LNX2: variants seen among roughly 807,000 people sequenced by gnomAD.
The protein encoded by LNX2 is ligand of numb-protein X 2.
LNX2 carries 35 observed loss-of-function variants against 66.2 expected under a neutral mutation model. The observed-to-expected ratio is 0.53, with a 90% CI of 0.40 to 0.70. The LOEUF is 0.70. Among genes scored for constraint, LNX2 ranks in the 30% least tolerant of loss-of-function variants. The probability of loss-of-function intolerance (pLI) is 0.00; values close to 1 mark genes in which losing one functional copy is unlikely to be tolerated. For missense variants in LNX2, 791 were observed against 850.8 expected, an observed-to-expected ratio of 0.93 and a Z score of 0.87; for synonymous variants, 337 against 315.6, an observed-to-expected ratio of 1.07 and a Z score of -0.72.
At chr13:27,602,469 T>C (rs945350584) in intron 1 of LNX2, among the ~76,000 whole-genome samples, 1 of 152,182 alleles carries the variant, frequency 6.6e-6, no homozygotes, top group African/African-American at 2.4e-5. Context: ...AATGGGAACA[T>C]AGAGTATGTA....
At chr13:27,550,232 A>G (rs1593236011) in intron 9 of LNX2, 101 bp downstream of exon 9, 1 of 1,060,316 alleles carries the variant, frequency 9.4e-7, no homozygotes, top group Non-Finnish European at 1.4e-6. Context: ...TTATTTTCAA[A>G]AAGATAATGG....
chr13:27,573,788 AAAC>A (rs753678701), intron 2 of LNX2, among the ~76,000 whole-genome samples: 55 of 152,314 alleles, frequency 3.6e-4, no homozygotes, highest in Non-Finnish European at 6.8e-4. Flanking sequence ...GCAAACAAAC[AAAC>A]AACAACAATA....
intron 2 of LNX2, among the ~76,000 whole-genome samples, chr13:27,578,486 AT>A (rs933407738): frequency 6.6e-6 from 1 of 152,050 alleles, no homozygotes; most frequent in Non-Finnish European, 1.5e-5. Context: ...ATGGCTGCAA[AT>A]TTTTTTGACT....
chr13:27,606,988 C>A (rs1247800236), intron 1 of LNX2, among the ~76,000 whole-genome samples: 1 of 152,182 alleles, frequency 6.6e-6, no homozygotes, highest in Non-Finnish European at 1.5e-5. Flanking sequence ...TTTACTGCTT[C>A]ATTTCTGTTT....
chr13:27,548,024 T>G lies in LNX2; in HGVS notation c.*311A>C, dbSNP rs1175326366. 6.4e-6 allele frequency: 2 copies of G among 313,388 alleles called. No homozygotes were observed. The highest frequency in any genetic ancestry group is 1.2e-5 in the Non-Finnish European group (2 of 168,400). 19.4% of individuals were successfully genotyped at this position (313,388 alleles called of 1,614,324 possible). A position where few individuals can be genotyped will look rare whatever the true frequency, so the allele number is the denominator to read the frequency against. ...CTGAAAACAAAGACCCACCAGAAGG[T>G]CTTTACTCCATCTGGGGCACAGTTT... On this transcript the variant is annotated 3_prime_UTR_variant, in exon 10 of 10. Coordinates refer to ENST00000316334, the MANE Select transcript of LNX2 (RefSeq NM_153371.4).
Position 27,583,261 on chromosome 13 carries a change from C to CGCGCGCGCGCGCGTGCGT in LNX2, c.-100-1459_-100-1458insACGCACGCGCGCGCGCGC, listed in dbSNP as rs11281345. On this transcript the variant is annotated intron_variant, in intron 1 of 9. Coordinates refer to ENST00000316334, the MANE Select transcript of LNX2 (RefSeq NM_153371.4). ...GTGTGTGTGTGTGTGTGTGTGCGCGCGTCCTCTCCAACATACTTATTTTTA... is the reference window on the plus strand; with the variant it reads ...GTGTGTGTGTGTGTGTGTGTGCGCGCGCGCGCGCGCGCGTGCGTGTCCTCTCCAACATACTTATTTTTA... 4.4e-5 allele frequency among the ~76,000 whole-genome samples: 2 copies of CGCGCGCGCGCGCGTGCGT among 45,480 alleles called. 1 individual carries two copies. Among genetic ancestry groups the CGCGCGCGCGCGCGTGCGT allele is most frequent in the Non-Finnish European group, 9.1e-5 (2 of 22,058 alleles). The allele number at this position is 45,480 out of a possible 152,430, so 29.8% of individuals were successfully genotyped here.
intron 1 of LNX2, among the ~76,000 whole-genome samples, chr13:27,617,621 C>A (rs1041257996): frequency 1.3e-5 from 2 of 152,160 alleles, no homozygotes; most frequent in African/African-American, 2.4e-5. Flanking sequence ...CTTCTGATAT[C>A]GCTCCACTGT....
At chr13:27,578,092 C>G (rs1955359593) in intron 2 of LNX2, among the ~76,000 whole-genome samples, 1 of 152,082 alleles carries the variant, frequency 6.6e-6, no homozygotes, top group South Asian at 2.1e-4. Flanking sequence ...AATATTTTAT[C>G]TGTAGGAGAA....
chr13:27,598,028 T>C (rs1056817750), intron 1 of LNX2, among the ~76,000 whole-genome samples: 2 of 152,110 alleles, frequency 1.3e-5, no homozygotes, highest in Admixed American at 6.5e-5. Context: ...GTCTTTCAAT[T>C]TACAACAAAT....
intron 1 of LNX2, among the ~76,000 whole-genome samples, chr13:27,592,812 A>G (rs1955558142): frequency 6.6e-6 from 1 of 152,222 alleles, no homozygotes; most frequent in South Asian, 2.1e-4. Context: ...TCCGAGGAAG[A>G]AGAAATAATC....
chr13:27,586,429 C>G (rs1244885264), intron 1 of LNX2, among the ~76,000 whole-genome samples: 1 of 152,184 alleles, frequency 6.6e-6, no homozygotes, highest in African/African-American at 2.4e-5. Flanking sequence ...TCAGGCAGAT[C>G]TTTCTCTTTC....
Position 27,583,222 on chromosome 13 carries a change from G to T in LNX2, c.-100-1419C>A, listed in dbSNP as rs1473652366. 2.7e-3 allele frequency among the ~76,000 whole-genome samples: 59 copies of T among 21,464 alleles called. 8 individuals carry two copies. The highest frequency in any genetic ancestry group is 0.011 in the African/African-American group (24 of 2,158). 14.1% of individuals were successfully genotyped at this position (21,464 alleles called of 152,430 possible). A position where few individuals can be genotyped will look rare whatever the true frequency, so the allele number is the denominator to read the frequency against. On this transcript the variant is annotated intron_variant, in intron 1 of 9. Transcript: ENST00000316334. Reference sequence around the variant, plus strand: ...TGTGTGTGTGTGTGTGTGTGTGTGTGTGTGTGTGTGTGTGTGTGTGTGTGT... The same window carrying T: ...TGTGTGTGTGTGTGTGTGTGTGTGTTTGTGTGTGTGTGTGTGTGTGTGTGT...
intron 4 of LNX2, among the ~76,000 whole-genome samples, chr13:27,565,373 C>T (rs1955191778): frequency 6.6e-6 from 1 of 152,078 alleles, no homozygotes; most frequent in African/African-American, 2.4e-5. Flanking sequence ...CTAAAAAGCC[C>T]AGAAGTGGGA....
At chr13:27,562,889 A>G (rs1303161642) in intron 4 of LNX2, 108 bp from the exon 5 acceptor site, 2 of 1,115,388 alleles carry the variant, frequency 1.8e-6, no homozygotes, top group East Asian at 4.7e-5. Context: ...GAGAGTGCTA[A>G]GTATGGTGAG....
chr13:27,606,815 C>A (rs1364135411), intron 1 of LNX2, among the ~76,000 whole-genome samples: 4 of 152,060 alleles, frequency 2.6e-5, no homozygotes, highest in Non-Finnish European at 5.9e-5. Flanking sequence ...AGCAAGGGAG[C>A]ATGCACAAAA....
intron 4 of LNX2, among the ~76,000 whole-genome samples, chr13:27,566,213 T>C (rs2138352407): frequency 6.6e-6 from 1 of 152,190 alleles, no homozygotes; most frequent in East Asian, 1.9e-4. Flanking sequence ...GGAATCAGTA[T>C]GGGGGAGAAT....
intron 1 of LNX2, among the ~76,000 whole-genome samples, chr13:27,588,022 A>C (rs1408494847): frequency 9.5e-5 from 2 of 21,010 alleles, no homozygotes; most frequent in African/African-American, 1.1e-3. Context: ...CTCTTGTCAC[A>C]AAAAAAAAAA....
At chr13:27,562,827 T>C in intron 4 of LNX2, 46 bp from the exon 5 acceptor site, 1 of 1,559,452 alleles carries the variant, frequency 6.4e-7, no homozygotes. Context: ...CTTTTATTTT[T>C]CCAATTTGTA....
At chr13:27,606,340 T>A (rs761714636) in intron 1 of LNX2, among the ~76,000 whole-genome samples, 1 of 147,866 alleles carries the variant, frequency 6.8e-6, no homozygotes, top group Non-Finnish European at 1.5e-5. Context: ...CAGCATTCCC[T>A]TGAAAAAGGA....
Sources: allele counts gnomAD v4.1 joint callset (sites outside exome capture counted in the v4.1 genomes callset), GRCh38; gene constraint gnomAD v4.1.1; transcripts MANE v1.5; gene names NCBI Gene and HGNC (gene_info 2026-07-23, HGNC 2026-07-21).